Variants in GRID2 observed in about 807,000 individuals in gnomAD.
GRID2 encodes the protein glutamate ionotropic receptor delta type subunit 2, also known as glutamate receptor ionotropic, delta-2.
GRID2 carries 33 observed loss-of-function variants against 114.8 expected under a neutral mutation model. The ratio of observed to expected loss-of-function variants is 0.29; its 90% CI spans 0.22 to 0.38. The LOEUF (loss-of-function observed/expected upper bound fraction) is 0.38. GRID2 is among the 10% of genes least tolerant of loss of function. The pLI is 1.00. For synonymous variants in GRID2, 505 were observed against 449.9 expected (o/e 1.12, Z -1.55); for missense variants, 1,184 against 1,257.7 (o/e 0.94, Z 0.89).
intron 8 of GRID2, among the ~76,000 whole-genome samples, chr4:93,394,974 A>C (rs1243639527): frequency 6.6e-6 from 1 of 152,022 alleles, no homozygotes; most frequent in African/African-American, 2.4e-5. Context: ...CATAAAATTA[A>C]ACTACTATTT....
At chr4:93,319,010 G>T (rs959442791) in intron 8 of GRID2, 2 of 152,128 alleles carry the variant, frequency 1.3e-5, no homozygotes, top group Non-Finnish European at 2.9e-5. Context: ...TTTCCATCAT[G>T]TAAATACTCC....
chr4:92,390,337 A>C (rs1730181428), intron 1 of GRID2, among the ~76,000 whole-genome samples: 1 of 151,764 alleles, frequency 6.6e-6, no homozygotes, highest in Admixed American at 6.6e-5. Context: ...TCAGCAAATA[A>C]GTGTCAGATC....
At chr4:92,939,454 T>C (rs1365608832) in intron 2 of GRID2, among the ~76,000 whole-genome samples, 1 of 147,452 alleles carries the variant, frequency 6.8e-6, no homozygotes, top group African/African-American at 2.4e-5. Context: ...CATTGTAGAT[T>C]CTGGATATTA....
At chr4:92,990,197 T>C (rs1348473823) in intron 2 of GRID2, among the ~76,000 whole-genome samples, 3 of 94,260 alleles carry the variant, frequency 3.2e-5, no homozygotes, top group Non-Finnish European at 6.2e-5. Context: ...CTTAACATTT[T>C]CTGTGTGTGT....
At chr4:92,405,348 T>G (rs944067371) in intron 1 of GRID2, among the ~76,000 whole-genome samples, 2 of 152,176 alleles carry the variant, frequency 1.3e-5, no homozygotes, top group African/African-American at 4.8e-5. Flanking sequence ...TATTTATTCA[T>G]AAAATTTATT....
intron 14 of GRID2, among the ~76,000 whole-genome samples, chr4:93,727,499 A>T (rs1021101027): frequency 7.2e-5 from 11 of 152,244 alleles, no homozygotes; most frequent in African/African-American, 2.2e-4. Context: ...TGCTGGCCTC[A>T]TAAAATGAGT....
chr4:92,851,804 C>G (rs539245752), intron 2 of GRID2, among the ~76,000 whole-genome samples: 19 of 151,852 alleles, frequency 1.3e-4, no homozygotes, highest in Non-Finnish European at 2.4e-4. Context: ...CACCTAAGTT[C>G]CTGCCTACAG....
At chr4:93,492,828 C>T (rs1168331532) in intron 12 of GRID2, among the ~76,000 whole-genome samples, 2 of 151,796 alleles carry the variant, frequency 1.3e-5, no homozygotes, top group African/African-American at 4.8e-5. Context: ...AAATGCACCA[C>T]CCATGCTGTG....
intron 8 of GRID2, among the ~76,000 whole-genome samples, chr4:93,333,657 G>C (rs1381855516): frequency 6.6e-6 from 1 of 152,126 alleles, no homozygotes. Flanking sequence ...TGGTTGTAAA[G>C]GCATAGAAGA....
chr4:93,632,177 T>C, intron 14 of GRID2, among the ~76,000 whole-genome samples: 1 of 152,210 alleles, frequency 6.6e-6, no homozygotes, highest in Non-Finnish European at 1.5e-5. Flanking sequence ...GCCTGTTCAC[T>C]CTGATGGTAG....
intron 1 of GRID2, among the ~76,000 whole-genome samples, chr4:92,305,792 A>C (rs963079249): frequency 1.3e-5 from 2 of 152,200 alleles, no homozygotes; most frequent in Admixed American, 6.5e-5. Context: ...GCTGAGCGGG[A>C]GACAGGCTCT....
intron 2 of GRID2, among the ~76,000 whole-genome samples, chr4:92,797,539 C>T (rs907916015): frequency 9.2e-5 from 14 of 151,742 alleles, no homozygotes; most frequent in Non-Finnish European, 8.8e-5. Context: ...TTTAAGTTAA[C>T]GTAAAAGTTT....
intron 1 of GRID2, among the ~76,000 whole-genome samples, chr4:92,327,973 G>A (rs1456898682): frequency 6.6e-6 from 1 of 151,942 alleles, no homozygotes; most frequent in African/African-American, 2.4e-5. Flanking sequence ...AGGAAAAAAA[G>A]GAAAACATAA....
chr4:92,945,790 A>G (rs193075127), intron 2 of GRID2, among the ~76,000 whole-genome samples: 151 of 152,166 alleles, frequency 9.9e-4, no homozygotes, highest in African/African-American at 3.6e-3. Flanking sequence ...TTTTCATTTG[A>G]TCATCTTATT....
intron 2 of GRID2, among the ~76,000 whole-genome samples, chr4:92,961,501 ATTCTT>A (rs1224106316): frequency 1.3e-5 from 2 of 151,506 alleles, no homozygotes; most frequent in Non-Finnish European, 2.9e-5. Flanking sequence ...ATTTCATTTA[ATTCTT>A]TTCTTGCTTT....
rs564846665 is a variant in GRID2 at position 93,154,608 on chromosome 4, A to G, written c.735+43655A>G. 1.9e-4 allele frequency among the ~76,000 whole-genome samples: 29 copies of G among 152,148 alleles called. No homozygotes were observed. In the East Asian group the frequency reaches 5.6e-3, roughly 29 times the overall value. ...AGTAAGACATAATTTTTTATATAAT[A>G]ATTCTTCTAGGTAAAGAAATATCTT... On this transcript the variant is annotated intron_variant, in intron 4 of 15. Transcript: ENST00000282020.
intron 8 of GRID2, among the ~76,000 whole-genome samples, chr4:93,385,564 T>C (rs1004417913): frequency 4.6e-5 from 7 of 152,172 alleles, no homozygotes; most frequent in African/African-American, 1.7e-4. Flanking sequence ...CGTCAGTGAA[T>C]AGAAGAGGCA....
At chr4:92,444,047 G>A (rs1054341604) in intron 1 of GRID2, among the ~76,000 whole-genome samples, 1 of 152,204 alleles carries the variant, frequency 6.6e-6, no homozygotes, top group African/African-American at 2.4e-5. Context: ...GTCAGAAGAG[G>A]CCGCTTAACT....
intron 2 of GRID2, among the ~76,000 whole-genome samples, chr4:92,812,336 A>G (rs964704568): frequency 2.0e-5 from 3 of 152,078 alleles, no homozygotes; most frequent in Non-Finnish European, 4.4e-5. Flanking sequence ...GATCTGCCAA[A>G]TCGGATAAAT....
Sources: gnomAD v4.1 joint callset for allele counts (sites outside exome capture counted in the v4.1 genomes callset) on GRCh38, gnomAD v4.1.1 for gene constraint, MANE v1.5 for transcripts, NCBI Gene and HGNC (gene_info 2026-07-23, HGNC 2026-07-21) for gene names.